ZNF730: variants seen among roughly 807,000 people sequenced by gnomAD.
The protein encoded by ZNF730 is zinc finger protein 730, also known as putative zinc finger protein 730.
A neutral mutation model predicts 12.6 loss-of-function variants in ZNF730; 12 were observed. That is an observed-to-expected ratio of 0.95 (90% CI 0.61 to 1.54). The LOEUF (loss-of-function observed/expected upper bound fraction) is 1.54. Among genes scored for constraint, ZNF730 ranks in the 40% most tolerant of loss-of-function variants. The pLI is 0.00. For synonymous variants in ZNF730, 194 were observed against 195.8 expected, an observed-to-expected ratio of 0.99 and a Z score of 0.08; for missense variants, 643 against 583.5, an observed-to-expected ratio of 1.10 and a Z score of -1.05.
At chr19:23,109,659 C>T (rs555325855) in intron 1 of ZNF730, among the ~76,000 whole-genome samples, 3 of 152,116 alleles carry the variant, frequency 2.0e-5, no homozygotes, top group South Asian at 2.1e-4. Context: ...TTCCTGAGCC[C>T]GCCTCAGGCT....
chr19:23,133,353 G>GT (rs774896018), intron 1 of ZNF730, among the ~76,000 whole-genome samples: 182 of 150,716 alleles, frequency 1.2e-3, no homozygotes, highest in Non-Finnish European at 2.1e-3. Context: ...TTTTGTTTTT[G>GT]TTTTTTTGAG....
chr19:23,085,836 CTTTTTTTTTTT>C lies in ZNF730; in HGVS notation c.-94+10466_-94+10476del, dbSNP rs556123915. ...GACCTATTTCACCCAATTTTTTTTT[CTTTTTTTTTTT>C]TTTTTTTTTTTTTTTTGAGATGGAG... On this transcript the variant is annotated intron_variant, in intron 1 of 2. Transcript: ENST00000593635. Among the ~76,000 whole-genome samples, 37 of 54,856 alleles carry C rather than the reference CTTTTTTTTTTT, an allele frequency of 6.7e-4. 1 individual carries two copies. Among genetic ancestry groups the C allele is most frequent in the African/African-American group, 2.4e-3 (29 of 12,034 alleles). 36.0% of individuals were successfully genotyped at this position (54,856 alleles called of 152,430 possible).
At chr19:23,122,532 A>G (rs1368632117) in intron 1 of ZNF730, among the ~76,000 whole-genome samples, 1 of 152,240 alleles carries the variant, frequency 6.6e-6, no homozygotes, top group Non-Finnish European at 1.5e-5. Flanking sequence ...TAAAAAAGAT[A>G]CTGAGTAAAC....
intron 1 of ZNF730, among the ~76,000 whole-genome samples, chr19:23,118,893 G>A (rs887184041): frequency 1.3e-5 from 2 of 152,118 alleles, no homozygotes; most frequent in Admixed American, 1.3e-4. Context: ...TTTTTGCAGG[G>A]TAAATTTGTG....
chr19:23,133,279 A>G (rs1970769175), intron 1 of ZNF730, among the ~76,000 whole-genome samples: 1 of 152,202 alleles, frequency 6.6e-6, no homozygotes, highest in Admixed American at 6.5e-5. Context: ...CATATTTGAC[A>G]AAATAGCCTT....
intron 1 of ZNF730, among the ~76,000 whole-genome samples, chr19:23,109,867 A>G (rs1970440922): frequency 6.6e-6 from 1 of 150,684 alleles, no homozygotes; most frequent in Non-Finnish European, 1.5e-5. Flanking sequence ...ATTTCTAAAA[A>G]TCTAATTTAT....
At chr19:23,083,440 T>C (rs1970001541) in intron 1 of ZNF730, among the ~76,000 whole-genome samples, 1 of 152,044 alleles carries the variant, frequency 6.6e-6, no homozygotes, top group Admixed American at 6.6e-5. Flanking sequence ...AGAAAGAAGA[T>C]ACATACCCAG....
chr19:23,130,872 C>A (rs1430353233), intron 1 of ZNF730, among the ~76,000 whole-genome samples: 5 of 152,132 alleles, frequency 3.3e-5, no homozygotes, highest in Admixed American at 3.3e-4. Context: ...TTCAGATTTA[C>A]CCCTTTTGAA....
intron 1 of ZNF730, among the ~76,000 whole-genome samples, chr19:23,120,184 A>C (rs1970582435): frequency 2.0e-5 from 3 of 151,788 alleles, no homozygotes; most frequent in Admixed American, 6.6e-5. Flanking sequence ...TAGTAGAGAC[A>C]GTATTTCACC....
intron 1 of ZNF730, among the ~76,000 whole-genome samples, chr19:23,076,666 A>G (rs953008336): frequency 2.0e-5 from 3 of 152,140 alleles, no homozygotes; most frequent in African/African-American, 2.4e-5. Flanking sequence ...CTCCTGGTAT[A>G]CCATTTGTCT....
At chr19:23,139,872 G>C (rs2145686432) in intron 3 of ZNF730, among the ~76,000 whole-genome samples, 1 of 152,224 alleles carries the variant, frequency 6.6e-6, no homozygotes, top group East Asian at 1.9e-4. Context: ...CAGATTTTAT[G>C]AGTAAGCATT....
upstream of ZNF730, among the ~76,000 whole-genome samples, chr19:23,113,176 G>A (rs1970477226): frequency 6.6e-6 from 1 of 152,224 alleles, no homozygotes; most frequent in Non-Finnish European, 1.5e-5. Context: ...CAGTTGTAGG[G>A]GATTAATGAA....
At chr19:23,137,410 G>A (rs529811236) in intron 3 of ZNF730, among the ~76,000 whole-genome samples, 7 of 151,964 alleles carry the variant, frequency 4.6e-5, no homozygotes, top group African/African-American at 1.7e-4. Context: ...GAACCATAAC[G>A]TATAGTTGTA....
At chr19:23,080,375 A>ATT (rs1032466255) in intron 1 of ZNF730, among the ~76,000 whole-genome samples, 1 of 137,594 alleles carries the variant, frequency 7.3e-6, no homozygotes. Flanking sequence ...ATATACTCTT[A>ATT]TTTTTTTTTT....
Position 23,146,399 on chromosome 19 carries a change from A to G in ZNF730, c.1355A>G (p.Tyr452Cys), listed in dbSNP as rs1971012561. 6.2e-7 allele frequency: 1 copy of G among 1,613,238 alleles called. No homozygotes were observed. Among genetic ancestry groups the G allele is most frequent in the South Asian group, 1.1e-5 (1 of 91,054 alleles). The change falls in exon 4 of 4, where the codon TAT (tyrosine) becomes TGT (cysteine). Residue 452 changes from tyrosine to cysteine, a missense_variant. Coordinates refer to ENST00000597761, the MANE Select transcript of ZNF730 (RefSeq NM_001277403.2). ...AGAATTCATACTGGAGAGAAACCCT[A>G]TGAATGTGAAGAATGTGGCAAAGCT... ...HKRIHTGEKP[Y>C]ECEECGKAFN...
intron 1 of ZNF730, among the ~76,000 whole-genome samples, chr19:23,078,266 A>G (rs1446435241): frequency 6.6e-6 from 1 of 151,970 alleles, no homozygotes; most frequent in Non-Finnish European, 1.5e-5. Flanking sequence ...AGAATATAGT[A>G]GAATGATTTA....
chr19:23,075,664 GTCAT>G (rs1219864701), intron 1 of ZNF730, among the ~76,000 whole-genome samples: 7 of 152,204 alleles, frequency 4.6e-5, no homozygotes, highest in Non-Finnish European at 1.0e-4. Context: ...TGCCAGGCGG[GTCAT>G]CAGGGTAGAA....
chr19:23,130,970 A>G (rs1451621414), intron 1 of ZNF730, among the ~76,000 whole-genome samples: 1 of 152,164 alleles, frequency 6.6e-6, no homozygotes, highest in South Asian at 2.1e-4. Flanking sequence ...ATCCTGTTCC[A>G]TTTTTAGAGC....
chr19:23,133,618 A>C (rs1202229477), intron 1 of ZNF730, among the ~76,000 whole-genome samples: 1 of 152,210 alleles, frequency 6.6e-6, no homozygotes, highest in Non-Finnish European at 1.5e-5. Context: ...CTGGGATTAC[A>C]GGCATGAGCC....
Sources: allele counts gnomAD v4.1 joint callset (sites outside exome capture counted in the v4.1 genomes callset), GRCh38; gene constraint gnomAD v4.1.1; transcripts MANE v1.5; gene names NCBI Gene and HGNC (gene_info 2026-07-23, HGNC 2026-07-21).